Variants in PLXDC2 observed in about 807,000 individuals in gnomAD.
PLXDC2 encodes the protein plexin domain containing 2.
Under a neutral mutation model 68.9 loss-of-function variants are expected in PLXDC2, and 40 were observed. The observed-to-expected ratio is 0.58, with a 90% CI of 0.45 to 0.76. The LOEUF is 0.76. Ranked by LOEUF, PLXDC2 falls within the 30% of genes least tolerant of loss-of-function variation. The pLI is 0.00. For missense variants in PLXDC2, 644 were observed against 661.9 expected (o/e 0.97, Z 0.30); for synonymous variants, 243 against 234.2 (o/e 1.04, Z -0.34).
intron 2 of PLXDC2, among the ~76,000 whole-genome samples, chr10:20,013,926 T>C (rs1348828053): frequency 1.3e-5 from 2 of 152,302 alleles, no homozygotes; most frequent in East Asian, 3.9e-4. Flanking sequence ...TGTAGTTAAA[T>C]AAGGCTTTGT....
intron 1 of PLXDC2, among the ~76,000 whole-genome samples, chr10:19,885,709 C>T (rs1439244949): frequency 6.6e-6 from 1 of 151,960 alleles, no homozygotes; most frequent in East Asian, 1.9e-4. Flanking sequence ...TTCCATTGAT[C>T]TATATCTCTG....
At chr10:19,890,594 C>T (rs1837940073) in intron 1 of PLXDC2, among the ~76,000 whole-genome samples, 1 of 133,002 alleles carries the variant, frequency 7.5e-6, no homozygotes, top group Non-Finnish European at 1.5e-5. Context: ...CCAGGATGGT[C>T]TCAATCTCCT....
intron 12 of PLXDC2, among the ~76,000 whole-genome samples, chr10:20,230,264 T>G (rs11011894): frequency 0.33 from 50,055 of 151,958 alleles, 8,307 homozygotes; most frequent in Non-Finnish European, 0.37. Flanking sequence ...TAGAAAAATA[T>G]GTACACTGCA....
chr10:20,222,837 T>TA (rs1835231607), intron 12 of PLXDC2, among the ~76,000 whole-genome samples: 2 of 151,860 alleles, frequency 1.3e-5, no homozygotes, highest in African/African-American at 4.8e-5. Context: ...AAAAATTAAA[T>TA]AAAAAAATTA....
chr10:20,125,244 G>A (rs1194839454), intron 4 of PLXDC2, among the ~76,000 whole-genome samples: 1 of 152,122 alleles, frequency 6.6e-6, no homozygotes. Context: ...GACTCTAAGA[G>A]AATGTTGTGG....
At chr10:19,829,344 G>A (rs962062596) in intron 1 of PLXDC2, among the ~76,000 whole-genome samples, 6 of 152,054 alleles carry the variant, frequency 3.9e-5, no homozygotes, top group African/African-American at 1.4e-4. Flanking sequence ...AAAATTTGCT[G>A]TAGGATGCTT....
intron 1 of PLXDC2, among the ~76,000 whole-genome samples, chr10:19,890,330 A>G (rs994155591): frequency 2.1e-4 from 32 of 152,136 alleles, no homozygotes; most frequent in South Asian, 4.2e-4. Flanking sequence ...GGTTTCGGGT[A>G]TGAATCATCC....
chr10:19,873,529 C>T (rs544207291), intron 1 of PLXDC2, among the ~76,000 whole-genome samples: 2 of 149,714 alleles, frequency 1.3e-5, no homozygotes, highest in Non-Finnish European at 3.0e-5. Flanking sequence ...TCTCCATTCT[C>T]TCTCCTCTAC....
chr10:19,908,338 C>G (rs578259959), intron 1 of PLXDC2, among the ~76,000 whole-genome samples: 1 of 152,084 alleles, frequency 6.6e-6, no homozygotes, highest in Non-Finnish European at 1.5e-5. Context: ...TATTTCTCTA[C>G]ATTGAGTGAG....
intron 6 of PLXDC2, among the ~76,000 whole-genome samples, chr10:20,158,673 GTAAATAAATAAA>G (rs34641917): frequency 3.4e-5 from 5 of 148,410 alleles, no homozygotes; most frequent in Non-Finnish European, 7.4e-5. Context: ...AAATAAATAA[GTAAATAAATAAA>G]TAAATAAATA....
At chr10:19,819,523 A>G (rs2131992177) in intron 1 of PLXDC2, among the ~76,000 whole-genome samples, 1 of 152,366 alleles carries the variant, frequency 6.6e-6, no homozygotes, top group Non-Finnish European at 1.5e-5. Flanking sequence ...TCATGCAACA[A>G]TCAGGATCTT....
intron 4 of PLXDC2, among the ~76,000 whole-genome samples, chr10:20,120,995 G>A (rs555914221): frequency 1.3e-5 from 2 of 152,274 alleles, no homozygotes; most frequent in African/African-American, 4.8e-5. Flanking sequence ...AGGTGGATCA[G>A]AGAGATACAG....
intron 1 of PLXDC2, among the ~76,000 whole-genome samples, chr10:19,825,491 G>A (rs372411588): frequency 1.4e-4 from 22 of 152,180 alleles, no homozygotes; most frequent in African/African-American, 4.8e-4. Context: ...CTGTATTCTT[G>A]GGTCCAGCTG....
intron 1 of PLXDC2, among the ~76,000 whole-genome samples, chr10:19,987,603 C>G: frequency 6.6e-6 from 1 of 151,382 alleles, no homozygotes; most frequent in Admixed American, 6.6e-5. Flanking sequence ...GTTCTGTCAC[C>G]CAGGCTGGAG....
chr10:20,121,674 G>A (rs1041697688), intron 4 of PLXDC2, among the ~76,000 whole-genome samples: 1 of 152,160 alleles, frequency 6.6e-6, no homozygotes, highest in African/African-American at 2.4e-5. Context: ...AATGGATTGT[G>A]GAGGGAGGTA....
intron 13 of PLXDC2, among the ~76,000 whole-genome samples, chr10:20,247,009 G>A (rs1166912828): frequency 6.6e-6 from 1 of 152,098 alleles, no homozygotes; most frequent in Non-Finnish European, 1.5e-5. Flanking sequence ...GGGGGCTCAA[G>A]GCCTTGGCAC....
intron 1 of PLXDC2, among the ~76,000 whole-genome samples, chr10:19,884,601 G>C (rs1408142989): frequency 6.7e-6 from 1 of 150,194 alleles, no homozygotes; most frequent in Non-Finnish European, 1.5e-5. Flanking sequence ...AGAATATACA[G>C]TGTTTGGTTT....
intron 6 of PLXDC2, among the ~76,000 whole-genome samples, chr10:20,159,617 T>G (rs148802248): frequency 2.0e-5 from 3 of 152,282 alleles, no homozygotes; most frequent in African/African-American, 4.8e-5. Context: ...CTCCCAAATC[T>G]TTCTGTATCT....
At chr10:20,069,744 T>G (rs1297898008) in intron 4 of PLXDC2, among the ~76,000 whole-genome samples, 2 of 150,078 alleles carry the variant, frequency 1.3e-5, no homozygotes, top group Non-Finnish European at 3.0e-5. Flanking sequence ...GGCAGGAGGA[T>G]CACTTGAGGC....
Sources: allele counts gnomAD v4.1 joint callset (sites outside exome capture counted in the v4.1 genomes callset), GRCh38; gene constraint gnomAD v4.1.1; transcripts MANE v1.5; gene names NCBI Gene and HGNC (gene_info 2026-07-23, HGNC 2026-07-21).